Variants in ADAP1 observed in about 807,000 individuals in gnomAD.
ADAP1 encodes the protein arf-GAP with dual PH domain-containing protein 1.
In ADAP1, 31 loss-of-function variants were observed where a neutral mutation model predicts 54.9. The ratio of observed to expected loss-of-function variants is 0.56; its 90% confidence interval spans 0.42 to 0.76. ADAP1 has a LOEUF of 0.76. ADAP1 is among the 30% of genes least tolerant of loss of function. ADAP1 has a pLI of 0.00. For synonymous variants in ADAP1, 313 were observed against 202.6 expected, an observed-to-expected ratio of 1.55 and a Z score of -4.63; for missense variants, 535 against 512.4, an observed-to-expected ratio of 1.04 and a Z score of -0.42.
chr7:905,767 A>AGGG (rs1845219725), intron 4 of ADAP1, among the ~76,000 whole-genome samples: 1 of 68,710 alleles, frequency 1.5e-5, no homozygotes, highest in Non-Finnish European at 3.3e-5. Context: ...AGAAGGGAGA[A>AGGG]AGGAGAAAGG....
chr7:935,435 G>T lies in ADAP1; in HGVS notation c.153C>A (p.Ile51=), dbSNP rs1290338711. The part of the protein sequence containing the change: ...CLSCSGIHRN[I]PQVSKVKSVR... ...CGGACTTCACCTTGCTGACCTGGGG[G>T]ATATTCCGGTGGATTCCCGAGCAGC... is the stretch of plus-strand genomic sequence containing the variant. The change falls in exon 2 of 11, where the codon ATC becomes ATA. Residue 51 remains isoleucine (I), a synonymous_variant. Coordinates refer to ENST00000265846, the MANE Select transcript of ADAP1 (RefSeq NM_006869.4). 1.3e-6 allele frequency: 2 copies of T among 1,560,766 alleles called. No individual in the cohort carries two copies. The highest frequency in any genetic ancestry group is 1.7e-6 in the Non-Finnish European group (2 of 1,152,304).
At position 945,162 on chromosome 7, in the gene ADAP1, GT is replaced by G. The variant is rs1447849805; in HGVS notation, c.82+9233del. Among the ~76,000 whole-genome samples, 1 of 152,228 alleles carries G rather than the reference GT, an allele frequency of 6.6e-6. No individual in the cohort carries two copies. Among genetic ancestry groups the G allele is most frequent in the Non-Finnish European group, 1.5e-5 (1 of 68,038 alleles). ...GCAGAAGGGACGGGCTGACCCTTCT[GT>G]TTTCCAAGTGACTGAGGCTGGGCTG... is the stretch of plus-strand genomic sequence containing the variant. On this transcript the variant is annotated intron_variant, in intron 1 of 10. Coordinates refer to ENST00000265846, the MANE Select transcript of ADAP1 (RefSeq NM_006869.4). This position sits in a 1 kb window ranked among gnomAD's most constrained non-coding sequence, Gnocchi z 4.2.
Position 899,122 on chromosome 7 carries a change from A to C in ADAP1, c.1007T>G (p.Phe336Cys). 1 of 1,609,460 alleles carries C rather than the reference A, an allele frequency of 6.2e-7. No homozygotes were observed. Among genetic ancestry groups the C allele is most frequent in the Non-Finnish European group, 8.5e-7 (1 of 1,179,924 alleles). Reference protein sequence around the residue: ...TIVTPDRKFLFACETESDQRE... With the variant: ...TIVTPDRKFLCACETESDQRE... ...CTGGTCGGACTCCGTCTCGCAGGCA[A>C]ACAGAAACTTGCGGTCGGGCGTGAC... Residue 336 changes from phenylalanine to cysteine, a missense_variant, in exon 10 of 11, where the codon TTT becomes TGT. Phe to Cys is a radical substitution (Grantham distance 205). Coordinates refer to ENST00000265846, the MANE Select transcript of ADAP1 (RefSeq NM_006869.4).
In ADAP1 at chr7:899,270, G is replaced by A. The variant is rs2128632111; in HGVS notation, c.868-9C>T. ...CCTCGGGCGAAGGCGTCCTGTGGGT[G>A]GGGACCGCACTGGAGGCGGGGCCAT... On this transcript the variant is annotated splice_polypyrimidine_tract_variant and intron_variant, in intron 9 of 10. Transcript: ENST00000265846. 1 of 1,612,530 alleles carries A rather than the reference G, an allele frequency of 6.2e-7. No individual in the cohort carries two copies. The highest frequency in any genetic ancestry group is 2.2e-5 in the East Asian group (1 of 44,866).
At position 903,972 on chromosome 7, in the gene ADAP1, C is replaced by A. The variant is rs148426900; in HGVS notation, c.648+154G>T. 3,243 of 1,000,190 alleles carry A rather than the reference C, an allele frequency of 3.2e-3. 24 individuals are homozygous for A. Among genetic ancestry groups the A allele is most frequent in the African/African-American group, 0.024 (1,419 of 59,606 alleles). The allele number at this position is 1,000,190 out of a possible 1,614,324, so 62.0% of individuals were successfully genotyped here. ...TCCCACACGTCCAAGCACCCGCCTT[C>A]CCACGCTGCCCAGCCCGACTTCCCG... On this transcript the variant is annotated intron_variant, in intron 6 of 10. Transcript: ENST00000265846.
intron 4 of ADAP1, among the ~76,000 whole-genome samples, chr7:909,858 T>TG (rs200737896): frequency 0.19 from 28,532 of 150,804 alleles, 3,079 homozygotes; most frequent in Admixed American, 0.26. Context: ...TGGTGTGGGG[T>TG]GGGGGGGGTT....
At chr7:908,702 G>C (rs1845581252) in intron 4 of ADAP1, among the ~76,000 whole-genome samples, 1 of 152,206 alleles carries the variant, frequency 6.6e-6, no homozygotes, top group Admixed American at 6.5e-5. Flanking sequence ...GCGGCGCTTC[G>C]TGGCTGAGGG....
chr7:954,442 C>A lies in ADAP1; in HGVS notation c.36G>T (p.Leu12=). The part of the protein sequence containing the change: ...AKERRRAVLE[L]LQRPGNARCA... ...AGCGCGCGTTCCCCGGCCGCTGCAG[C>A]AGCTCCAGGACCGCCCTGCGCCGCT... The change falls in exon 1 of 11, where the codon CTG becomes CTT. Residue 12 remains leucine, a synonymous_variant. Coordinates refer to ENST00000265846, the MANE Select transcript of ADAP1 (RefSeq NM_006869.4). 1 of 1,137,138 alleles carries A rather than the reference C, an allele frequency of 8.8e-7. No homozygotes were observed. The highest frequency in any genetic ancestry group is 1.1e-6 in the Non-Finnish European group (1 of 915,766). The allele number at this position is 1,137,138 out of a possible 1,614,324, so 70.4% of individuals were successfully genotyped here. A position where few individuals can be genotyped will look rare whatever the true frequency, so the allele number is the denominator to read the frequency against.
intron 1 of ADAP1, among the ~76,000 whole-genome samples, chr7:942,280 AGAG>A: frequency 6.6e-6 from 1 of 151,240 alleles, no homozygotes; most frequent in East Asian, 2.0e-4. Flanking sequence ...ACTGAGAGAG[AGAG>A]GAGGAGGAAG....
chr7:900,727 TTCC>T (rs1231971689), intron 6 of ADAP1, 111 bp from the exon 7 acceptor site: 2 of 926,008 alleles, frequency 2.2e-6, no homozygotes, highest in Non-Finnish European at 3.3e-6. Context: ...GCCCAGCCCC[TTCC>T]TCCTCCCCGG....
Position 899,241 on chromosome 7 carries a change from T to C in ADAP1, c.888A>G (p.Glu296=), listed in dbSNP as rs1303432059. The C allele has an allele frequency of 1.9e-6, 3 of 1,612,782 alleles. No individual in the cohort carries two copies. Among genetic ancestry groups the C allele is most frequent in the Non-Finnish European group, 2.5e-6 (3 of 1,179,942 alleles). The change falls in exon 10 of 11, where the codon GAA becomes GAG. Residue 296 remains glutamate (E), a synonymous_variant. Transcript: ENST00000265846. ...KDPLDAFARG[E]VFIGSKESGY... ...CACTCTCCTTGCTGCCAATGAAGAC[T>C]TCCCCTCGGGCGAAGGCGTCCTGTG...
intron 5 of ADAP1, among the ~76,000 whole-genome samples, 181 bp downstream of exon 5, chr7:904,879 G>T (rs964076509): frequency 3.3e-5 from 5 of 152,234 alleles, no homozygotes; most frequent in African/African-American, 9.6e-5. Context: ...CACCCTGGGG[G>T]ACGCTGGGTC....
intron 2 of ADAP1, among the ~76,000 whole-genome samples, chr7:933,870 T>G: frequency 4.7e-5 from 1 of 21,062 alleles, no homozygotes; most frequent in African/African-American, 1.5e-4. Flanking sequence ...CCGGGGTCAG[T>G]GGTGCTGGAG....
At position 920,392 on chromosome 7, in the gene ADAP1, T is replaced by C. The variant is rs10246635; in HGVS notation, c.306-342A>G. 0.87 allele frequency among the ~76,000 whole-genome samples: 130,266 copies of C among 149,778 alleles called. 56,837 individuals are homozygous for C. The highest frequency in any genetic ancestry group is 0.97 in the East Asian group (4,743 of 4,890). The stretch of plus-strand genomic sequence containing the variant: ...CCCCACAGGGCTGGGGTACAGGGGT[T>C]GAGCCAGGCCCCCCCACCCCGAGTC... On this transcript the variant is annotated intron_variant, in intron 3 of 10. Transcript: ENST00000265846. This position sits in a 1 kb window ranked among gnomAD's most constrained non-coding sequence, Gnocchi z 4.5.
At chr7:905,344 T>C (rs59166973) in intron 4 of ADAP1, 172 bp from the exon 5 acceptor site, 5 of 411,628 alleles carry the variant, frequency 1.2e-5, no homozygotes, top group African/African-American at 2.9e-5. Context: ...GACAGGGAGA[T>C]AGGAAGATGG....
chr7:917,968 T>C (rs1292807954), intron 4 of ADAP1, among the ~76,000 whole-genome samples: 1 of 152,124 alleles, frequency 6.6e-6, no homozygotes, highest in Non-Finnish European at 1.5e-5. Context: ...GTCCAAAAAA[T>C]GAGCAACATG....
In ADAP1 at chr7:905,181, G is replaced by A. The variant is rs774324817; in HGVS notation, c.389-9C>T. The A allele has an allele frequency of 1.9e-5, 31 of 1,609,046 alleles. No individual in the cohort carries two copies. The highest frequency in any genetic ancestry group is 8.0e-5 in the African/African-American group (6 of 74,754). On this transcript the variant is annotated splice_polypyrimidine_tract_variant and intron_variant, in intron 4 of 10. Coordinates refer to ENST00000265846, the MANE Select transcript of ADAP1 (RefSeq NM_006869.4). ...AAAACCCTCACGGTACCCTGTGGGGGAAAGGGGACACGAGTCGGTGACAGT... is the reference window on the plus strand; with the variant it reads ...AAAACCCTCACGGTACCCTGTGGGGAAAAGGGGACACGAGTCGGTGACAGT...
At position 919,994 on chromosome 7, in the gene ADAP1, G is replaced by A. The variant is rs139497517; in HGVS notation, c.362C>T (p.Pro121Leu). 1.0e-4 allele frequency: 164 copies of A among 1,607,300 alleles called. No individual in the cohort carries two copies. The African/African-American group carries it at 1.3e-3, about 13-fold the overall frequency. Residue 121 changes from proline to leucine, a missense_variant, in exon 4 of 11, where the codon CCG becomes CTG. Transcript: ENST00000265846. ...AKYERQEFIYPEKQEPYSAGY... is the reference protein window; with the variant it reads ...AKYERQEFIYLEKQEPYSAGY... The stretch of plus-strand genomic sequence containing the variant: ...TGCCGAGTAGGGCTCCTGCTTCTCC[G>A]GGTAGATGAACTCCTGTCGCTCGTA...
chr7:923,903 G>T (rs74829144), intron 3 of ADAP1, among the ~76,000 whole-genome samples: 3 of 152,172 alleles, frequency 2.0e-5, no homozygotes, highest in Non-Finnish European at 2.9e-5. Context: ...TCTTGGTGGG[G>T]GCAGACGTGG....
Sources: allele counts gnomAD v4.1 joint callset (sites outside exome capture counted in the v4.1 genomes callset), GRCh38; gene constraint gnomAD v4.1.1; non-coding constraint Gnocchi (gnomAD v3.1); transcripts MANE v1.5; gene names NCBI Gene and HGNC (gene_info 2026-07-23, HGNC 2026-07-21).